Variants in TBC1D9B observed in about 807,000 individuals in gnomAD.
TBC1D9B encodes TBC1 domain family, member 9B (with GRAM domain).
TBC1D9B carries 87 observed loss-of-function variants against 121.1 expected under a neutral mutation model. The ratio of observed to expected loss-of-function variants is 0.72; its 90% confidence interval spans 0.60 to 0.86. The LOEUF (loss-of-function observed/expected upper bound fraction) is 0.86. TBC1D9B is among the 40% of genes least tolerant of loss of function. TBC1D9B has a pLI of 0.00. For missense variants in TBC1D9B, 1,540 were observed against 1,628.6 expected, an observed-to-expected ratio of 0.95 and a Z score of 0.94; for synonymous variants, 668 against 670.1, an observed-to-expected ratio of 1.00 and a Z score of 0.05.
chr5:179,889,394 AGG>A (rs1760793400), intron 6 of TBC1D9B, among the ~76,000 whole-genome samples: 1 of 151,804 alleles, frequency 6.6e-6, no homozygotes, highest in Admixed American at 6.6e-5. Context: ...CAGGTCTGAG[AGG>A]GGGAGAGGCG....
At chr5:179,878,669 T>G (rs1219413632) in intron 9 of TBC1D9B, 146 bp from the exon 10 acceptor site, 1 of 831,146 alleles carries the variant, frequency 1.2e-6, no homozygotes, top group Non-Finnish European at 1.9e-6. Flanking sequence ...GTTTCCCTTG[T>G]GCTCCTGGGG....
At chr5:179,888,413 G>A in intron 6 of TBC1D9B, 101 bp from the exon 7 acceptor site, 6 of 1,176,992 alleles carry the variant, frequency 5.1e-6, no homozygotes, top group Non-Finnish European at 7.3e-6. Context: ...CCTCTCCTGG[G>A]CACAATGCAG....
At position 179,890,420 on chromosome 5, in the gene TBC1D9B, G is replaced by A. The variant is rs1291718367; in HGVS notation, c.1044+959C>T. ...ACCCCTAGGCCTGGGGGACAGGTCA[G>A]TACAGTGCCCCGGACAGATCCACAG... On this transcript the variant is annotated intron_variant, in intron 6 of 20. Coordinates refer to ENST00000355235, the MANE Select transcript of TBC1D9B (RefSeq NM_015043.4). This position sits in a 1 kb window ranked among gnomAD's most constrained non-coding sequence, Gnocchi z 5.0. 6.6e-6 allele frequency among the ~76,000 whole-genome samples: 1 copy of A among 152,196 alleles called. No individual in the cohort carries two copies. The highest frequency in any genetic ancestry group is 1.5e-5 in the Non-Finnish European group (1 of 68,030).
intron 6 of TBC1D9B, among the ~76,000 whole-genome samples, chr5:179,889,268 C>T (rs555566854): frequency 2.0e-5 from 3 of 152,062 alleles, no homozygotes; most frequent in South Asian, 2.1e-4. Context: ...GACCTCGTGA[C>T]CCACCCGCCT....
In TBC1D9B at chr5:179,879,121, G is replaced by C; in HGVS notation, c.1493C>G (p.Thr498Arg). The change falls in exon 9 of 21, where the codon ACA (threonine) becomes AGA (arginine). Residue 498 changes from threonine to arginine, a missense_variant. Thr to Arg is a moderately conservative substitution (Grantham distance 71). Transcript: ENST00000355235. Reference sequence around the variant, plus strand: ...CAGGACCAGTGCCCGCGTCTTGGCTGTGCGGTACATGCACACGCCACGCCC... The same window carrying C: ...CAGGACCAGTGCCCGCGTCTTGGCTCTGCGGTACATGCACACGCCACGCCC... ...EYGRGVCMYR[T>R]AKTRALVLKG... 2.5e-6 allele frequency: 4 copies of C among 1,608,018 alleles called. No homozygotes were observed. The highest frequency in any genetic ancestry group is 3.4e-6 in the Non-Finnish European group (4 of 1,179,906).
intron 12 of TBC1D9B, among the ~76,000 whole-genome samples, chr5:179,873,956 T>G (rs1760280163): frequency 6.6e-6 from 1 of 152,136 alleles, no homozygotes; most frequent in African/African-American, 2.4e-5. Flanking sequence ...TATCTTAACA[T>G]CAGTGTGGAC....
In TBC1D9B at chr5:179,887,897, G is replaced by A. The variant is rs1760736841; in HGVS notation, c.1254+206C>T. The A allele has an allele frequency of 9.2e-6, 6 of 649,132 alleles. No individual in the cohort carries two copies. The East Asian group carries it at 1.6e-4, about 18-fold the overall frequency. The allele number at this position is 649,132 out of a possible 1,614,324, so 40.2% of individuals were successfully genotyped here. ...GCCCAGCAGGAGTGAGGAGTACCGG[G>A]TGTGTGGCTGGGGGTGCAGAGAGGC... On this transcript the variant is annotated intron_variant, in intron 7 of 20. Coordinates refer to ENST00000355235, the MANE Select transcript of TBC1D9B (RefSeq NM_015043.4).
Position 179,888,107 on chromosome 5 carries a change from G to A in TBC1D9B, c.1250C>T (p.Thr417Ile). 1 of 1,613,612 alleles carries A rather than the reference G, an allele frequency of 6.2e-7. No individual in the cohort carries two copies. Among genetic ancestry groups the A allele is most frequent in the Non-Finnish European group, 8.5e-7 (1 of 1,179,972 alleles). The part of the protein sequence containing the change: ...SRKASVVDPS[T>I]ESSPAPQEGS... The stretch of plus-strand genomic sequence containing the variant: ...TGCTCCCAAGGGGCTTCTCACCTCT[G>A]TGCTAGGGTCCACAACACTGGCTTT... Residue 417 changes from threonine (T) to isoleucine (I), a missense_variant, in exon 7 of 21, where the codon ACA becomes ATA. Coordinates refer to ENST00000355235, the MANE Select transcript of TBC1D9B (RefSeq NM_015043.4).
intron 18 of TBC1D9B, chr5:179,867,534 G>T (rs372177400): frequency 1.3e-6 from 2 of 1,553,654 alleles, no homozygotes; most frequent in South Asian, 1.2e-5. Context: ...GGGGCAGAGT[G>T]GGGAGGAGCC....
Position 179,879,087 on chromosome 5 carries a change from G to T in TBC1D9B, c.1527C>A (p.Ile509=). 1 of 1,606,456 alleles carries T rather than the reference G, an allele frequency of 6.2e-7. No individual in the cohort carries two copies. Among genetic ancestry groups the T allele is most frequent in the Non-Finnish European group, 8.5e-7 (1 of 1,179,964 alleles). Residue 509 remains isoleucine (I), a synonymous_variant, in exon 9 of 21, where the codon ATC becomes ATA. Transcript: ENST00000355235. ...AKTRALVLKG[I]PESLRGELWL... ...ACAGCTCTCCCCGGAGGCTCTCAGGGATACCCTTCAGGACCAGTGCCCGCG... is the reference window on the plus strand; with the variant it reads ...ACAGCTCTCCCCGGAGGCTCTCAGGTATACCCTTCAGGACCAGTGCCCGCG...
chr5:179,872,573 C>T, intron 14 of TBC1D9B: 1 of 370,440 alleles, frequency 2.7e-6, no homozygotes, highest in Non-Finnish European at 5.0e-6. Flanking sequence ...ATGTTGCTAC[C>T]TGGGAGTGGG....
intron 8 of TBC1D9B, 85 bp downstream of exon 8, chr5:179,879,543 A>C (rs1760468386): frequency 6.3e-7 from 1 of 1,594,232 alleles, no homozygotes; most frequent in Non-Finnish European, 8.6e-7. Flanking sequence ...CCCTGAGGGA[A>C]GGCCCAGGCC....
intron 3 of TBC1D9B, among the ~76,000 whole-genome samples, chr5:179,896,684 A>T (rs1188055246): frequency 6.6e-6 from 1 of 151,612 alleles, no homozygotes; most frequent in Non-Finnish European, 1.5e-5. Context: ...CACCATGCCC[A>T]GCTAATTTTT....
Position 179,864,022 on chromosome 5 carries a change from C to A in TBC1D9B, c.3128G>T (p.Arg1043Leu). ...GAACTTCTTCCCCACCTCTCCGATG[C>A]GGAGCAGGAGGCTGGCCACGGTGGC... is the stretch of plus-strand genomic sequence containing the variant. ...AIATVASLLL[R>L]IGEVGKKFSA... Residue 1043 changes from arginine to leucine, a missense_variant, in exon 21 of 21, where the codon CGC becomes CTC. Transcript: ENST00000355235. 1 of 1,613,722 alleles carries A rather than the reference C, an allele frequency of 6.2e-7. No individual in the cohort carries two copies. Among genetic ancestry groups the A allele is most frequent in the Non-Finnish European group, 8.5e-7 (1 of 1,180,038 alleles).
intron 3 of TBC1D9B, among the ~76,000 whole-genome samples, chr5:179,895,962 C>T: frequency 6.6e-6 from 1 of 152,322 alleles, no homozygotes; most frequent in Admixed American, 6.5e-5. Flanking sequence ...CCCTTTCTGC[C>T]TAAAAGCTGG....
Position 179,862,416 on chromosome 5 carries a change from G to C in TBC1D9B, c.*1032C>G. On this transcript the variant is annotated 3_prime_UTR_variant, in exon 21 of 21. Transcript: ENST00000355235. The stretch of plus-strand genomic sequence containing the variant: ...CGGTCACCTTTGGCTCCACAGTCTG[G>C]TTCTTGAACCCAAGGGCAGACAGCT... The C allele has an allele frequency of 2.6e-6, 1 of 384,250 alleles. No homozygotes were observed. The highest frequency in any genetic ancestry group is 5.5e-6 in the Non-Finnish European group (1 of 182,630). The allele number at this position is 384,250 out of a possible 1,614,324, so 23.8% of individuals were successfully genotyped here.
In TBC1D9B at chr5:179,870,463, G is replaced by C; in HGVS notation, c.2517C>G (p.Cys839Trp). Residue 839 changes from cysteine (C) to tryptophan (W), a missense_variant, in exon 16 of 21, where the codon TGC becomes TGG. Transcript: ENST00000355235. ...AKHLASQYWG[C>W]SRTMAGRRDP... is the part of the protein sequence containing the mutation. ...CCCGACGGCCGGCCATTGTGCGGCT[G>C]CACCCCCAGTACTGGCTAGCCAGGT... 1 of 1,612,184 alleles carries C rather than the reference G, an allele frequency of 6.2e-7. No individual in the cohort carries two copies. The highest frequency in any genetic ancestry group is 8.5e-7 in the Non-Finnish European group (1 of 1,179,946).
At position 179,864,020 on chromosome 5, in the gene TBC1D9B, T is replaced by C. The variant is rs1313867299; in HGVS notation, c.3130A>G (p.Ile1044Val). The C allele has an allele frequency of 9.3e-6, 15 of 1,613,550 alleles. No homozygotes were observed. Among genetic ancestry groups the C allele is most frequent in the Admixed American group, 3.3e-5 (2 of 59,996 alleles). The change falls in exon 21 of 21, where the codon ATC becomes GTC. Residue 1044 changes from isoleucine (I) to valine (V), a missense_variant. Coordinates refer to ENST00000355235, the MANE Select transcript of TBC1D9B (RefSeq NM_015043.4). Reference protein sequence around the residue: ...IATVASLLLRIGEVGKKFSAR... With the variant: ...IATVASLLLRVGEVGKKFSAR... Reference sequence around the variant, plus strand: ...GAGAACTTCTTCCCCACCTCTCCGATGCGGAGCAGGAGGCTGGCCACGGTG... The same window carrying C: ...GAGAACTTCTTCCCCACCTCTCCGACGCGGAGCAGGAGGCTGGCCACGGTG...
At chr5:179,867,956 C>T in intron 17 of TBC1D9B, 107 bp from the exon 18 acceptor site, 3 of 1,076,214 alleles carry the variant, frequency 2.8e-6, no homozygotes, top group South Asian at 2.3e-5. Flanking sequence ...TGCCCACGAG[C>T]CTGGCCAGTC....
Sources: gnomAD v4.1 joint callset for allele counts (sites outside exome capture counted in the v4.1 genomes callset) on GRCh38, gnomAD v4.1.1 for gene constraint, Gnocchi (gnomAD v3.1) non-coding constraint, MANE v1.5 for transcripts, NCBI Gene and HGNC (gene_info 2026-07-23, HGNC 2026-07-21) for gene names.